The following PUM1 variants were observed in gnomAD, a reference collection of about 807,000 sequenced individuals.
PUM1 encodes the protein pumilio RNA binding family member 1, also known as pumilio homolog 1.
In PUM1, 13 loss-of-function variants were observed where a neutral mutation model predicts 131.8. That is an observed-to-expected ratio of 0.10 (90% confidence interval 0.06 to 0.16). The LOEUF is 0.16. PUM1 is among the 10% of genes least tolerant of loss of function. The pLI is 1.00. For missense variants in PUM1, 961 were observed against 1,512.4 expected (o/e 0.64, Z 6.05); for synonymous variants, 509 against 556.5 (o/e 0.91, Z 1.20).
At chr1:30,991,421 T>C (rs1641786864) in intron 7 of PUM1, among the ~76,000 whole-genome samples, 1 of 152,248 alleles carries the variant, frequency 6.6e-6, no homozygotes, top group Admixed American at 6.5e-5. Flanking sequence ...AACTTTTTAC[T>C]CTATCAATCA....
chr1:31,018,338 G>A (rs1192901597), intron 3 of PUM1, among the ~76,000 whole-genome samples: 4 of 151,104 alleles, frequency 2.6e-5, no homozygotes, highest in Non-Finnish European at 5.9e-5. Context: ...GACAGAGAGA[G>A]ACTCCATCTC....
chr1:30,936,640 T>C lies in PUM1; in HGVS notation c.3435+3A>G. The stretch of plus-strand genomic sequence containing the variant: ...CTCTGAGACCCTGCCCAGCCCGGCC[T>C]ACCTTATGCATGACGATCTTCCGCT... On this transcript the variant is annotated splice_donor_region_variant and intron_variant, in intron 21 of 21. Coordinates refer to ENST00000426105, the MANE Select transcript of PUM1 (RefSeq NM_001020658.2). 1 of 1,612,142 alleles carries C rather than the reference T, an allele frequency of 6.2e-7. No individual in the cohort carries two copies. Among genetic ancestry groups the C allele is most frequent in the Non-Finnish European group, 8.5e-7 (1 of 1,178,806 alleles).
chr1:30,945,651 G>A (rs1339601656), intron 17 of PUM1, among the ~76,000 whole-genome samples, 168 bp from the exon 18 acceptor site: 1 of 152,142 alleles, frequency 6.6e-6, no homozygotes, highest in African/African-American at 2.4e-5. Context: ...GAGGACCTGA[G>A]TCTTTTCAGA....
intron 3 of PUM1, among the ~76,000 whole-genome samples, chr1:31,013,497 A>G (rs1015718783): frequency 6.6e-6 from 1 of 152,220 alleles, no homozygotes; most frequent in South Asian, 2.1e-4. Flanking sequence ...GATCAGTTTG[A>G]TCATGTTATT....
At chr1:31,034,316 G>C (rs1305294083) in intron 2 of PUM1, among the ~76,000 whole-genome samples, 2 of 152,138 alleles carry the variant, frequency 1.3e-5, no homozygotes, top group African/African-American at 2.4e-5. Context: ...GTATCACTGA[G>C]TTGGGGAGTT....
chr1:30,945,819 T>G (rs571353753), intron 17 of PUM1, among the ~76,000 whole-genome samples: 1 of 152,298 alleles, frequency 6.6e-6, no homozygotes, highest in East Asian at 1.9e-4. Context: ...GGAGTCTTGC[T>G]CTGTTACCCA....
intron 4 of PUM1, 71 bp from the exon 5 acceptor site, chr1:31,006,102 G>A (rs888660138): frequency 1.0e-5 from 14 of 1,340,926 alleles, no homozygotes; most frequent in Non-Finnish European, 1.4e-5. Flanking sequence ...GATGTCTCAT[G>A]GATAACCAAT....
intron 3 of PUM1, among the ~76,000 whole-genome samples, chr1:31,008,010 T>C: frequency 6.6e-6 from 1 of 152,202 alleles, no homozygotes; most frequent in East Asian, 1.9e-4. Flanking sequence ...TGTTTTCAAC[T>C]GCTATTACAC....
rs1454054026 is a variant in PUM1 at position 30,943,696 on chromosome 1, T to C, written c.2995-1573A>G. The stretch of plus-strand genomic sequence containing the variant: ...AGATATTTCAACAGGATCACAGAAA[T>C]TATGAAGGTTGAAATTTGAAAGACA... On this transcript the variant is annotated intron_variant, in intron 18 of 21. Transcript: ENST00000426105. 4.6e-5 allele frequency among the ~76,000 whole-genome samples: 7 copies of C among 152,194 alleles called. No individual in the cohort carries two copies. The East Asian group carries it at 1.3e-3, about 29-fold the overall frequency.
intron 18 of PUM1, among the ~76,000 whole-genome samples, chr1:30,942,786 T>G (rs1639510100): frequency 6.6e-6 from 1 of 152,200 alleles, no homozygotes; most frequent in Non-Finnish European, 1.5e-5. Context: ...TTTTGTTTTG[T>G]TTTGGAGACA....
intron 3 of PUM1, among the ~76,000 whole-genome samples, chr1:31,021,710 T>A (rs910947075): frequency 8.5e-5 from 13 of 152,180 alleles, no homozygotes; most frequent in African/African-American, 2.7e-4. Flanking sequence ...ATCATTTGTA[T>A]CATCTTTGTA....
chr1:31,028,606 T>C (rs893569970), intron 3 of PUM1, among the ~76,000 whole-genome samples, 190 bp downstream of exon 3: 2 of 152,382 alleles, frequency 1.3e-5, no homozygotes, highest in Non-Finnish European at 1.5e-5. Context: ...CATTAGGTTA[T>C]GGTTAACATT....
intron 19 of PUM1, 62 bp from the exon 20 acceptor site, chr1:30,941,334 A>C (rs926653826): frequency 1.1e-5 from 17 of 1,529,128 alleles, no homozygotes; most frequent in Admixed American, 3.6e-5. Flanking sequence ...AGGTTACTTA[A>C]GTCCTTATAT....
chr1:30,981,322 C>A lies in PUM1; in HGVS notation c.1242G>T (p.Gln414His). 3 of 1,594,138 alleles carry A rather than the reference C, an allele frequency of 1.9e-6. No homozygotes were observed. In the Middle Eastern group the frequency reaches 5.0e-4, roughly 265 times the overall value. Residue 414 changes from glutamine to histidine, a missense_variant, in exon 8 of 22, where the codon CAG (glutamine) becomes CAT (histidine). Gln to His is a conservative substitution (Grantham distance 24). Around this residue, in one of 4 missense-constraint regions of PUM1, gnomAD observed 654 missense variants for 923.9 expected, o/e 0.71. Transcript: ENST00000426105. ...QQQYALAAAH[Q>H]PHIGLAPAAF... The stretch of plus-strand genomic sequence containing the variant: ...GGCTTAAGGACTTACCGATGTGCGG[C>A]TGATGAGCAGCTGCCAGTGCATACT...
At chr1:30,963,464 G>A (rs1047134733) in intron 14 of PUM1, among the ~76,000 whole-genome samples, 3 of 152,090 alleles carry the variant, frequency 2.0e-5, no homozygotes, top group Admixed American at 6.5e-5. Context: ...AAAACTTCAG[G>A]ATACGCACAC....
rs777969205 is a variant in PUM1 at position 30,974,788 on chromosome 1, G to A, written c.1369C>T (p.Pro457Ser). 4 of 1,609,930 alleles carry A rather than the reference G, an allele frequency of 2.5e-6. 1 individual carries two copies. In the South Asian group the frequency reaches 4.4e-5, roughly 18 times the overall value. ...GGAGTAACTCCATAATACTGGTGAG[G>A]GACCACAGCTGGGCCTAAAAATAGC... ...AAATLGPAVV[P>S]HQYYGVTPWG... Residue 457 changes from proline to serine, a missense_variant, in exon 10 of 22, where the codon CCT becomes TCT. Pro to Ser is a moderately conservative substitution (Grantham distance 74). Coordinates refer to ENST00000426105, the MANE Select transcript of PUM1 (RefSeq NM_001020658.2).
rs76587788 is a variant in PUM1, at chr1:31,000,447, T to A, written c.721-5227A>T. Among the ~76,000 whole-genome samples the A allele has an allele frequency of 4.9e-4, 74 of 152,178 alleles. No individual in the cohort carries two copies. In the East Asian group the frequency reaches 0.014, roughly 29 times the overall value. Reference sequence around the variant, plus strand: ...CCAGACCTACAGAGAGGCAGAGAAATTGCTAAATATCAAAGAACTGGGAGA... The same window carrying A: ...CCAGACCTACAGAGAGGCAGAGAAAATGCTAAATATCAAAGAACTGGGAGA... On this transcript the variant is annotated intron_variant, in intron 5 of 21. Transcript: ENST00000426105.
chr1:30,966,200 A>G lies in PUM1; in HGVS notation c.1868T>C (p.Leu623Ser). The G allele has an allele frequency of 6.2e-7, 1 of 1,614,048 alleles. No homozygotes were observed. The highest frequency in any genetic ancestry group is 1.1e-5 in the South Asian group (1 of 91,062). The change falls in exon 13 of 22, where the codon TTA becomes TCA. Residue 623 changes from leucine (L) to serine (S), a missense_variant. This residue lies in a region of PUM1 where 654 missense variants were observed against 923.9 expected (regional missense o/e 0.71). Transcript: ENST00000426105. ...CTGGGGCTGAGGCTGCTGTGTTCCT[A>G]AAGGGCGAAATGGTCCATTTGTTGT... ...AGTTNGPFRP[L>S]GTQQPQPQPQ...
rs577074288 is a variant in PUM1, at chr1:30,950,946, AT to A, written c.2722-686del. Reference sequence around the variant, plus strand: ...GTATTCTACATCATTAAGAGAATTGATTTTTTTTTCTCCTATTTACACAAGG... The same window carrying A: ...GTATTCTACATCATTAAGAGAATTGATTTTTTTTCTCCTATTTACACAAGG... On this transcript the variant is annotated intron_variant, in intron 16 of 21. Coordinates refer to ENST00000426105, the MANE Select transcript of PUM1 (RefSeq NM_001020658.2). Among the ~76,000 whole-genome samples the A allele has an allele frequency of 3.6e-3, 548 of 151,932 alleles. 3 individuals carry two copies. Among genetic ancestry groups the A allele is most frequent in the African/African-American group, 0.012 (516 of 41,434 alleles).
Sources: gnomAD v4.1 joint callset for allele counts (sites outside exome capture counted in the v4.1 genomes callset) on GRCh38, gnomAD v4.1.1 for gene constraint, gnomAD v4.1.1 regional missense constraint, MANE v1.5 for transcripts, NCBI Gene and HGNC (gene_info 2026-07-23, HGNC 2026-07-21) for gene names.